The following LRP1B variants were observed in gnomAD, a reference collection of about 807,000 sequenced individuals.
LRP1B encodes low-density lipoprotein receptor-related protein 1B.
In LRP1B, 217 loss-of-function variants were observed where a neutral mutation model predicts 556.6. That is an observed-to-expected ratio of 0.39 (90% CI 0.35 to 0.44). The LOEUF is 0.44. Among genes scored for constraint, LRP1B ranks in the 20% least tolerant of loss-of-function variants. The pLI, the probability that LRP1B is intolerant of heterozygous loss-of-function variation, is 1.00. For synonymous variants in LRP1B, 2,047 were observed against 1,865.8 expected (o/e 1.10, Z -2.50); for missense variants, 5,053 against 5,620.8 (o/e 0.90, Z 3.23).
chr2:141,647,621 A>G (rs1396038581), intron 2 of LRP1B, among the ~76,000 whole-genome samples: 1 of 151,322 alleles, frequency 6.6e-6, no homozygotes, highest in African/African-American at 2.4e-5. Context: ...TGTTTTATTT[A>G]TTGTTCTGTT....
intron 60 of LRP1B, among the ~76,000 whole-genome samples, chr2:140,470,884 A>G (rs1193146047): frequency 6.6e-6 from 1 of 152,074 alleles, no homozygotes. Context: ...TGAGGTTCCC[A>G]GACTTCTTTT....
intron 57 of LRP1B, among the ~76,000 whole-genome samples, chr2:140,489,479 AT>A (rs1444458830): frequency 3.3e-5 from 5 of 152,106 alleles, no homozygotes; most frequent in Non-Finnish European, 5.9e-5. Context: ...GATTCATTAA[AT>A]ATCCATTTAC....
chr2:140,331,830 G>A (rs1263681870), intron 79 of LRP1B, among the ~76,000 whole-genome samples: 1 of 151,696 alleles, frequency 6.6e-6, no homozygotes, highest in Admixed American at 6.6e-5. Flanking sequence ...CGAGTAGCTG[G>A]GATTACAGGT....
At chr2:141,133,992 T>C (rs13029344) in intron 7 of LRP1B, among the ~76,000 whole-genome samples, 115,578 of 151,780 alleles carry the variant, frequency 0.76, 44,372 homozygotes, top group Middle Eastern at 0.85. Context: ...GAACAATACA[T>C]GCATACCCAG....
intron 2 of LRP1B, among the ~76,000 whole-genome samples, chr2:141,660,824 C>T (rs1374256876): frequency 6.6e-6 from 1 of 152,130 alleles, no homozygotes; most frequent in Admixed American, 6.5e-5. Flanking sequence ...CCAATGAGCA[C>T]CCAGCGCGTT....
intron 41 of LRP1B, among the ~76,000 whole-genome samples, chr2:140,632,006 G>A (rs1000084313): frequency 6.6e-6 from 1 of 152,136 alleles, no homozygotes; most frequent in Non-Finnish European, 1.5e-5. Flanking sequence ...AATATTTAAT[G>A]TGTTGAAAGA....
At chr2:141,171,989 C>T (rs1351444675) in intron 7 of LRP1B, among the ~76,000 whole-genome samples, 1 of 152,076 alleles carries the variant, frequency 6.6e-6, no homozygotes, top group Non-Finnish European at 1.5e-5. Flanking sequence ...TCTGATGCAG[C>T]ACAAAGTGAA....
rs146026510 is a variant in LRP1B at position 140,329,529 on chromosome 2, T to C, written c.12224-3651A>G. Among the ~76,000 whole-genome samples, 451 of 152,194 alleles carry C rather than the reference T, an allele frequency of 3.0e-3. 3 individuals are homozygous for C. The highest frequency in any genetic ancestry group is 3.0e-3 in the Non-Finnish European group (207 of 68,004). On this transcript the variant is annotated intron_variant, in intron 79 of 90. Transcript: ENST00000389484. The stretch of plus-strand genomic sequence containing the variant: ...TCAGCTCAAAAGCTTCTTAAGTTGA[T>C]AAGCAATTTCAGGAAAGTCTTAGGA...
At chr2:140,837,126 A>G (rs1209329224) in intron 31 of LRP1B, among the ~76,000 whole-genome samples, 1 of 152,180 alleles carries the variant, frequency 6.6e-6, no homozygotes, top group Non-Finnish European at 1.5e-5. Context: ...TATTACTGAC[A>G]GTTTCTATTA....
At chr2:140,602,143 G>A (rs1313837906) in intron 41 of LRP1B, among the ~76,000 whole-genome samples, 4 of 151,788 alleles carry the variant, frequency 2.6e-5, no homozygotes, top group African/African-American at 7.3e-5. Flanking sequence ...ATCAAACAGT[G>A]GTAGATAATG....
At chr2:141,902,861 A>C (rs930311302) in intron 1 of LRP1B, among the ~76,000 whole-genome samples, 8 of 152,016 alleles carry the variant, frequency 5.3e-5, no homozygotes, top group African/African-American at 1.7e-4. Context: ...AGAACTCCAA[A>C]AAGAAAAAAA....
chr2:141,450,461 T>C (rs1010737336), intron 3 of LRP1B, among the ~76,000 whole-genome samples: 1 of 152,208 alleles, frequency 6.6e-6, no homozygotes, highest in East Asian at 1.9e-4. Context: ...GTGTATAAAG[T>C]ACTTAGGAAG....
At chr2:141,904,301 C>T (rs548603808) in intron 1 of LRP1B, among the ~76,000 whole-genome samples, 1 of 151,850 alleles carries the variant, frequency 6.6e-6, no homozygotes, top group East Asian at 1.9e-4. Context: ...AATGCTGAAA[C>T]GTGGTCAGCT....
chr2:141,322,008 T>C (rs566537633), intron 3 of LRP1B, among the ~76,000 whole-genome samples: 93 of 152,130 alleles, frequency 6.1e-4, no homozygotes, highest in Non-Finnish European at 1.2e-3. Context: ...TCCCATTTTA[T>C]GAACTCACAG....
intron 3 of LRP1B, among the ~76,000 whole-genome samples, chr2:141,333,590 T>G (rs1045854935): frequency 6.6e-6 from 1 of 152,088 alleles, no homozygotes; most frequent in Non-Finnish European, 1.5e-5. Flanking sequence ...TTATGTTTGC[T>G]CTTTCAATTT....
chr2:141,383,756 C>T (rs569681649), intron 3 of LRP1B, among the ~76,000 whole-genome samples: 1 of 152,150 alleles, frequency 6.6e-6, no homozygotes, highest in South Asian at 2.1e-4. Context: ...TGTCCAGATG[C>T]AGAGAAAATG....
chr2:140,572,819 A>G (rs1368052201), intron 43 of LRP1B, among the ~76,000 whole-genome samples: 1 of 151,084 alleles, frequency 6.6e-6, no homozygotes, highest in Non-Finnish European at 1.5e-5. Flanking sequence ...AAATAAAATA[A>G]AATAAAATAA....
Position 141,249,823 on chromosome 2 carries a change from T to G in LRP1B, c.464-2469A>C, listed in dbSNP as rs115642760. Among the ~76,000 whole-genome samples the G allele has an allele frequency of 5.3e-3, 812 of 152,214 alleles. 9 individuals are homozygous for G. The highest frequency in any genetic ancestry group is 0.017 in the African/African-American group (689 of 41,540). ...TAGGACATTATTGTACTGATGTTGA[T>G]GTAATGTAGGGAAAGAAGGGGACAT... On this transcript the variant is annotated intron_variant, in intron 4 of 90. Coordinates refer to ENST00000389484, the MANE Select transcript of LRP1B (RefSeq NM_018557.3).
intron 7 of LRP1B, among the ~76,000 whole-genome samples, chr2:141,117,986 T>G (rs1434987001): frequency 6.6e-6 from 1 of 151,982 alleles, no homozygotes. Context: ...GTTACTTGAG[T>G]GCAGGAACTA....
Sources: allele counts gnomAD v4.1 joint callset (sites outside exome capture counted in the v4.1 genomes callset), GRCh38; gene constraint gnomAD v4.1.1; transcripts MANE v1.5; gene names NCBI Gene and HGNC (gene_info 2026-07-23, HGNC 2026-07-21).